Variants in FNBP1 observed in about 807,000 individuals in gnomAD.
FNBP1 encodes formin-binding protein 1.
A neutral mutation model predicts 90.6 loss-of-function variants in FNBP1; 26 were observed. The ratio of observed to expected loss-of-function variants is 0.29; its 90% CI spans 0.21 to 0.40. The LOEUF is 0.40. Among genes scored for constraint, FNBP1 ranks in the 10% least tolerant of loss-of-function variants. FNBP1 has a pLI of 1.00. For synonymous variants in FNBP1, 260 were observed against 265.2 expected (o/e 0.98, Z 0.19); for missense variants, 635 against 768.0 (o/e 0.83, Z 2.05).
intron 12 of FNBP1, among the ~76,000 whole-genome samples, chr9:129,907,652 G>A (rs539081815): frequency 6.6e-6 from 1 of 151,646 alleles, no homozygotes; most frequent in East Asian, 1.9e-4. Context: ...TCCTACAGCT[G>A]TTTTAATGAA....
chr9:129,993,785 C>T (rs2053576366), intron 2 of FNBP1, among the ~76,000 whole-genome samples: 1 of 151,984 alleles, frequency 6.6e-6, no homozygotes, highest in Non-Finnish European at 1.5e-5. Context: ...CCACCATGCC[C>T]CACTAATTTT....
At position 129,978,450 on chromosome 9, in the gene FNBP1, T is replaced by C. The variant is rs1325447661; in HGVS notation, c.345+15A>G. ...GTCCATCTTTTAGGAAGAAAAAGAA[T>C]AAAGTTTTGCTTACTGATTTCCTCT... On this transcript the variant is annotated intron_variant, in intron 4 of 16. Transcript: ENST00000446176. 3 of 1,609,958 alleles carry C rather than the reference T, an allele frequency of 1.9e-6. No individual in the cohort carries two copies. Among genetic ancestry groups the C allele is most frequent in the East Asian group, 2.2e-5 (1 of 44,858 alleles).
intron 2 of FNBP1, among the ~76,000 whole-genome samples, chr9:129,984,278 AT>A (rs1352307672): frequency 1.3e-5 from 2 of 152,310 alleles, no homozygotes; most frequent in East Asian, 3.9e-4. Context: ...AATAAAAAAA[AT>A]AAAAAAAATG....
At chr9:130,008,142 C>T (rs998267993) in intron 1 of FNBP1, among the ~76,000 whole-genome samples, 29 of 150,408 alleles carry the variant, frequency 1.9e-4, no homozygotes, top group African/African-American at 6.9e-4. Flanking sequence ...CCCAGGAGTT[C>T]GAGACCAGCC....
chr9:129,970,680 T>C (rs1215913050), intron 4 of FNBP1, among the ~76,000 whole-genome samples: 1 of 152,176 alleles, frequency 6.6e-6, no homozygotes, highest in Non-Finnish European at 1.5e-5. Context: ...TCTAAAGAGA[T>C]GGCGAACATC....
the FNBP1 span, chr9:130,053,495 C>T: frequency 1.7e-5 from 3 of 180,830 alleles, no homozygotes; most frequent in South Asian, 3.0e-4. Context: ...CTACGGCGAG[C>T]CGGGAATTTT....
At chr9:130,009,334 C>G (rs2056224565) in intron 1 of FNBP1, among the ~76,000 whole-genome samples, 1 of 152,144 alleles carries the variant, frequency 6.6e-6, no homozygotes, top group South Asian at 2.1e-4. Flanking sequence ...ATGAAAAACT[C>G]TATGGGAATA....
chr9:129,981,245 G>C (rs1229321774), intron 2 of FNBP1, among the ~76,000 whole-genome samples: 1 of 151,852 alleles, frequency 6.6e-6, no homozygotes, highest in African/African-American at 2.4e-5. Flanking sequence ...ACACCACCAC[G>C]CCCAGATAAT....
chr9:129,999,927 T>C (rs2054583194), intron 1 of FNBP1, among the ~76,000 whole-genome samples: 1 of 152,168 alleles, frequency 6.6e-6, no homozygotes, highest in Non-Finnish European at 1.5e-5. Flanking sequence ...GGCTGAAATA[T>C]GTGAAAAAAA....
chr9:130,044,127 A>G (rs2060028984), upstream of FNBP1, among the ~76,000 whole-genome samples: 1 of 152,180 alleles, frequency 6.6e-6, no homozygotes, highest in African/African-American at 2.4e-5. Flanking sequence ...AGCTATGGAA[A>G]ATGTTTGGAA....
chr9:130,051,684 G>A, the FNBP1 span, among the ~76,000 whole-genome samples: 1 of 152,088 alleles, frequency 6.6e-6, no homozygotes, highest in Admixed American at 6.6e-5. Flanking sequence ...GCATACTGGC[G>A]CACACCTGTG....
intron 4 of FNBP1, among the ~76,000 whole-genome samples, chr9:129,973,390 TTAC>T (rs1449457351): frequency 6.6e-6 from 1 of 152,238 alleles, no homozygotes; most frequent in Non-Finnish European, 1.5e-5. Flanking sequence ...AAAATAGTGT[TTAC>T]TAAGTCAAGT....
chr9:129,917,352 T>A (rs2040416864), intron 10 of FNBP1, among the ~76,000 whole-genome samples: 1 of 151,812 alleles, frequency 6.6e-6, no homozygotes, highest in African/African-American at 2.4e-5. Flanking sequence ...ATTTGCTGAT[T>A]TTTGGTTTTG....
At chr9:129,997,608 G>A (rs897110401) in intron 1 of FNBP1, among the ~76,000 whole-genome samples, 4 of 152,182 alleles carry the variant, frequency 2.6e-5, no homozygotes, top group Non-Finnish European at 5.9e-5. Flanking sequence ...CAAATTGAGA[G>A]CACGACTTCG....
chr9:129,978,300 T>C, intron 4 of FNBP1, 165 bp downstream of exon 4: 1 of 597,222 alleles, frequency 1.7e-6, no homozygotes, highest in Non-Finnish European at 2.9e-6. Context: ...ATTACAGGCA[T>C]GAGCCACCGT....
intron 16 of FNBP1, among the ~76,000 whole-genome samples, chr9:129,891,239 G>A (rs2035076342): frequency 6.6e-6 from 1 of 151,440 alleles, no homozygotes; most frequent in African/African-American, 2.4e-5. Flanking sequence ...GAGGGAGGAT[G>A]CATGAGCTCA....
intron 4 of FNBP1, among the ~76,000 whole-genome samples, chr9:129,977,042 C>T (rs2050430338): frequency 6.6e-6 from 1 of 151,848 alleles, no homozygotes; most frequent in Non-Finnish European, 1.5e-5. Flanking sequence ...GTGGCGGGCA[C>T]CTGTAATCTC....
chr9:129,951,508 C>G (rs2046170121), intron 6 of FNBP1, among the ~76,000 whole-genome samples: 1 of 152,040 alleles, frequency 6.6e-6, no homozygotes, highest in Non-Finnish European at 1.5e-5. Context: ...GTGGTGCAAT[C>G]TTGGCTCACT....
At chr9:129,961,591 G>A (rs1318999448) in intron 4 of FNBP1, among the ~76,000 whole-genome samples, 1 of 151,894 alleles carries the variant, frequency 6.6e-6, no homozygotes, top group African/African-American at 2.4e-5. Context: ...TTTTTGAGAC[G>A]GAGTCTTGTT....
Sources: allele counts gnomAD v4.1 joint callset (sites outside exome capture counted in the v4.1 genomes callset), GRCh38; gene constraint gnomAD v4.1.1; transcripts MANE v1.5; gene names NCBI Gene and HGNC (gene_info 2026-07-23, HGNC 2026-07-21).